SENP6: variants seen among roughly 807,000 people sequenced by gnomAD.
SENP6 encodes the protein SUMO specific peptidase 6.
In SENP6, 41 loss-of-function variants were observed where a neutral mutation model predicts 134.5. That is an observed-to-expected ratio of 0.30 (90% confidence interval 0.24 to 0.40). The LOEUF is 0.40. SENP6 is among the 10% of genes least tolerant of loss of function. SENP6 has a pLI of 1.00. For synonymous variants in SENP6, 395 were observed against 429.8 expected, an observed-to-expected ratio of 0.92 and a Z score of 1.00; for missense variants, 1,248 against 1,312.5, an observed-to-expected ratio of 0.95 and a Z score of 0.76.
intron 6 of SENP6, chr6:75,646,421 A>C (rs1770442812): frequency 6.6e-6 from 1 of 152,142 alleles, no homozygotes; most frequent in African/African-American, 2.4e-5. Context: ...ACCTTATTGC[A>C]TTTCAATTTT....
At chr6:75,692,791 CAA>C (rs796153446) in intron 16 of SENP6, among the ~76,000 whole-genome samples, 2 of 143,170 alleles carry the variant, frequency 1.4e-5, no homozygotes. Flanking sequence ...CTTCCCCCGC[CAA>C]AAAAAAAAAA....
At chr6:75,616,796 A>T (rs1767883869) in intron 1 of SENP6, among the ~76,000 whole-genome samples, 1 of 150,644 alleles carries the variant, frequency 6.6e-6, no homozygotes, top group East Asian at 1.9e-4. Flanking sequence ...CAGTTCCTTT[A>T]GTGCATAAAT....
intron 11 of SENP6, among the ~76,000 whole-genome samples, chr6:75,674,620 C>T (rs566275676): frequency 1.3e-5 from 2 of 152,186 alleles, no homozygotes; most frequent in South Asian, 4.1e-4. Context: ...AGTACCCATG[C>T]TTAATGTCCC....
Sources: allele counts gnomAD v4.1 joint callset (sites outside exome capture counted in the v4.1 genomes callset), GRCh38; gene constraint gnomAD v4.1.1; transcripts MANE v1.5; gene names NCBI Gene and HGNC (gene_info 2026-07-23, HGNC 2026-07-21).